The following BCKDHB variants were observed in gnomAD, a reference collection of about 807,000 sequenced individuals.
BCKDHB encodes the protein 2-oxoisovalerate dehydrogenase subunit beta, mitochondrial.
BCKDHB carries 41 observed loss-of-function variants against 48.5 expected under a neutral mutation model. The ratio of observed to expected loss-of-function variants is 0.85; its 90% CI spans 0.66 to 1.10. The LOEUF (loss-of-function observed/expected upper bound fraction) is 1.10, where lower values mean the gene tolerates loss of function less well. Among genes scored for constraint, BCKDHB ranks in the 50% least tolerant of loss-of-function variants. The probability of loss-of-function intolerance (pLI) is 0.00; values close to 1 mark genes in which losing one functional copy is unlikely to be tolerated. For missense variants in BCKDHB, 496 were observed against 494.2 expected, an observed-to-expected ratio of 1.00 and a Z score of -0.03; for synonymous variants, 201 against 174.8, an observed-to-expected ratio of 1.15 and a Z score of -1.18.
At chr6:80,181,445 G>C (rs1205040609) in intron 6 of BCKDHB, among the ~76,000 whole-genome samples, 2 of 152,122 alleles carry the variant, frequency 1.3e-5, no homozygotes, top group Non-Finnish European at 2.9e-5. Context: ...CAGTGGCTAA[G>C]TCAACAATGT....
intron 6 of BCKDHB, among the ~76,000 whole-genome samples, chr6:80,173,050 T>C (rs562378075): frequency 1.1e-4 from 17 of 152,238 alleles, no homozygotes; most frequent in African/African-American, 4.1e-4. Flanking sequence ...TTATAGCCAA[T>C]CAGTAAAGAA....
chr6:80,285,061 T>G (rs1268284210), intron 9 of BCKDHB, among the ~76,000 whole-genome samples: 2 of 152,160 alleles, frequency 1.3e-5, no homozygotes, highest in Non-Finnish European at 2.9e-5. Flanking sequence ...AAACTGAAAC[T>G]TAATCTTGCC....
intron 9 of BCKDHB, among the ~76,000 whole-genome samples, chr6:80,340,428 C>G (rs764334892): frequency 4.6e-5 from 7 of 152,158 alleles, no homozygotes; most frequent in African/African-American, 1.2e-4. Context: ...TGTTATTGTT[C>G]CACGTGAACT....
intron 8 of BCKDHB, among the ~76,000 whole-genome samples, chr6:80,270,519 G>A (rs1372211797): frequency 2.6e-5 from 4 of 152,022 alleles, no homozygotes; most frequent in African/African-American, 7.2e-5. Context: ...AACTCAAAGT[G>A]TGATTACTTT....
chr6:80,364,630 A>G, the BCKDHB span, among the ~76,000 whole-genome samples: 1 of 152,196 alleles, frequency 6.6e-6, no homozygotes, highest in Admixed American at 6.5e-5. Context: ...CCAAAGAGTA[A>G]AACTACTCAT....
the BCKDHB span, among the ~76,000 whole-genome samples, chr6:80,385,968 G>A: frequency 2.0e-5 from 3 of 152,164 alleles, no homozygotes; most frequent in African/African-American, 4.8e-5. Flanking sequence ...TAGTTTATTT[G>A]CTTGGTTAGC....
intron 3 of BCKDHB, among the ~76,000 whole-genome samples, chr6:80,150,479 A>G (rs1262774320): frequency 6.6e-6 from 1 of 151,842 alleles, no homozygotes; most frequent in African/African-American, 2.4e-5. Flanking sequence ...ATGATGTCTA[A>G]TGGAATTTTC....
chr6:80,159,260 T>C (rs930641332), intron 3 of BCKDHB, among the ~76,000 whole-genome samples: 2 of 151,404 alleles, frequency 1.3e-5, no homozygotes, highest in African/African-American at 4.8e-5. Flanking sequence ...CTGCACATTG[T>C]GCACATGTAC....
chr6:80,284,883 G>A (rs588186), intron 9 of BCKDHB, among the ~76,000 whole-genome samples: 121,333 of 151,968 alleles, frequency 0.8, 48,615 homozygotes, highest in Admixed American at 0.87. Flanking sequence ...TCAAAAAGCA[G>A]TAGCATAAAA....
intron 1 of BCKDHB, among the ~76,000 whole-genome samples, chr6:80,114,261 TA>T (rs1302706907): frequency 6.6e-6 from 1 of 151,482 alleles, no homozygotes; most frequent in Non-Finnish European, 1.5e-5. Flanking sequence ...TTTTTTTTTT[TA>T]ATTAAATACA....
chr6:80,167,271 G>A (rs900545150), intron 3 of BCKDHB, among the ~76,000 whole-genome samples: 1 of 150,712 alleles, frequency 6.6e-6, no homozygotes, highest in African/African-American at 2.4e-5. Context: ...ACCTTTCTCT[G>A]TCTTTAGAGT....
At chr6:80,419,617 A>C in the BCKDHB span, among the ~76,000 whole-genome samples, 1 of 152,144 alleles carries the variant, frequency 6.6e-6, no homozygotes, top group Non-Finnish European at 1.5e-5. Flanking sequence ...TACCCCTGCC[A>C]TTTGTTTAAG....
the BCKDHB span, chr6:80,463,227 A>C: frequency 2.0e-5 from 3 of 152,124 alleles, no homozygotes; most frequent in Non-Finnish European, 4.4e-5. Flanking sequence ...GTGAAAAGAG[A>C]CTTGTTTTGC....
At chr6:80,427,389 C>T in the BCKDHB span, among the ~76,000 whole-genome samples, 1 of 152,106 alleles carries the variant, frequency 6.6e-6, no homozygotes, top group Middle Eastern at 3.6e-3. Flanking sequence ...CCCATTCCAA[C>T]CTTTTTGCTA....
In BCKDHB at chr6:80,280,642, T is replaced by G. The variant is rs557181277; in HGVS notation, c.1038+7421T>G. Among the ~76,000 whole-genome samples the G allele has an allele frequency of 1.8e-4, 27 of 149,306 alleles. No individual in the cohort carries two copies. In the East Asian group the frequency reaches 2.6e-3, roughly 14 times the overall value. ...TTTTCCATGTGAAAAAATATGTATA[T>G]AAATAAAAATATATATCATCTAGGT... is the stretch of plus-strand genomic sequence containing the variant. On this transcript the variant is annotated intron_variant, in intron 9 of 9. Transcript: ENST00000320393.
intron 1 of BCKDHB, among the ~76,000 whole-genome samples, chr6:80,107,309 T>A (rs1393806228): frequency 6.8e-6 from 1 of 146,436 alleles, no homozygotes; most frequent in Non-Finnish European, 1.5e-5. Context: ...TATGTTTATA[T>A]ATATATATTT....
At chr6:80,424,770 T>A in the BCKDHB span, among the ~76,000 whole-genome samples, 1 of 152,164 alleles carries the variant, frequency 6.6e-6, no homozygotes, top group African/African-American at 2.4e-5. Context: ...CAGAAAGCAA[T>A]TAGAATTTTT....
the BCKDHB span, among the ~76,000 whole-genome samples, chr6:80,360,585 AT>A: frequency 3.3e-5 from 5 of 152,168 alleles, no homozygotes; most frequent in African/African-American, 7.2e-5. Context: ...TAGTGATGCC[AT>A]TTTTTTATTA....
chr6:80,161,910 G>A (rs940915734), intron 3 of BCKDHB, among the ~76,000 whole-genome samples: 4 of 152,072 alleles, frequency 2.6e-5, no homozygotes, highest in African/African-American at 9.7e-5. Flanking sequence ...AAAAGCCACG[G>A]ATTTTACCAC....
Sources: allele counts gnomAD v4.1 joint callset (sites outside exome capture counted in the v4.1 genomes callset), GRCh38; gene constraint gnomAD v4.1.1; transcripts MANE v1.5; gene names NCBI Gene and HGNC (gene_info 2026-07-23, HGNC 2026-07-21).